Variants in SPECC1 observed in about 807,000 individuals in gnomAD.
SPECC1 encodes the protein cytospin-B.
Under a neutral mutation model 104.1 loss-of-function variants are expected in SPECC1, and 62 were observed. The ratio of observed to expected loss-of-function variants is 0.60; its 90% CI spans 0.49 to 0.74. The LOEUF (loss-of-function observed/expected upper bound fraction) is 0.74. SPECC1 is among the 30% of genes least tolerant of loss of function. SPECC1 has a pLI of 0.00. For missense variants in SPECC1, 1,306 were observed against 1,310.5 expected, an observed-to-expected ratio of 1.00 and a Z score of 0.05; for synonymous variants, 513 against 501.6, an observed-to-expected ratio of 1.02 and a Z score of -0.30.
intron 8 of SPECC1, 28 bp from the exon 9 acceptor site, chr17:20,247,191 T>C: frequency 1.3e-6 from 2 of 1,558,448 alleles, no homozygotes; most frequent in Non-Finnish European, 1.8e-6. Context: ...GAACAACATA[T>C]AAATGTTCCC....
chr17:20,299,535 G>T (rs1340552331), intron 13 of SPECC1, among the ~76,000 whole-genome samples: 1 of 143,528 alleles, frequency 7.0e-6, no homozygotes, highest in East Asian at 2.0e-4. Context: ...TCTCCAGCCT[G>T]GGTGACAGAG....
intron 1 of SPECC1, chr17:20,067,421 G>A (rs182303626): frequency 7.2e-5 from 11 of 152,280 alleles, no homozygotes; most frequent in Admixed American, 5.9e-4. Context: ...GGGATTTCAG[G>A]CGTGAACTAC....
intron 3 of SPECC1, among the ~76,000 whole-genome samples, chr17:20,167,915 ATGTC>A (rs1178747041): frequency 1.3e-5 from 2 of 152,228 alleles, no homozygotes; most frequent in South Asian, 2.1e-4. Context: ...CATTTAATCT[ATGTC>A]TGTTGCTTAG....
At chr17:20,237,317 T>TTTG in intron 7 of SPECC1, 3 of 478,592 alleles carry the variant, frequency 6.3e-6, no homozygotes, top group African/African-American at 1.0e-4. Flanking sequence ...TTTGTTTTGT[T>TTTG]TTTTTTTTTT....
At chr17:20,221,208 TC>T (rs1319420971) in intron 4 of SPECC1, among the ~76,000 whole-genome samples, 20 of 152,232 alleles carry the variant, frequency 1.3e-4, no homozygotes, top group Non-Finnish European at 1.5e-5. Context: ...TCCCTTCTCT[TC>T]TATTTCTTGG....
chr17:20,042,359 G>A (rs1470029075), intron 1 of SPECC1, among the ~76,000 whole-genome samples: 1 of 152,126 alleles, frequency 6.6e-6, no homozygotes, highest in Non-Finnish European at 1.5e-5. Flanking sequence ...CACCATGGGG[G>A]AAGAGGGAGG....
At chr17:20,097,536 A>G (rs904641768) in intron 2 of SPECC1, among the ~76,000 whole-genome samples, 23 of 152,250 alleles carry the variant, frequency 1.5e-4, no homozygotes, top group African/African-American at 5.3e-4. Context: ...TGGATTTGAG[A>G]TGCAGACTGA....
At chr17:20,248,494 T>C (rs1274484057) in intron 9 of SPECC1, among the ~76,000 whole-genome samples, 1 of 152,240 alleles carries the variant, frequency 6.6e-6, no homozygotes, top group Non-Finnish European at 1.5e-5. Flanking sequence ...AAAAACTTGA[T>C]AGACACATTG....
chr17:20,259,946 T>G (rs945324660), intron 11 of SPECC1, among the ~76,000 whole-genome samples: 1 of 152,306 alleles, frequency 6.6e-6, no homozygotes, highest in South Asian at 2.1e-4. Flanking sequence ...GAGCAACAAA[T>G]GGATTTGAAA....
chr17:20,108,156 G>A (rs1330531642), intron 2 of SPECC1, among the ~76,000 whole-genome samples: 1 of 151,552 alleles, frequency 6.6e-6, no homozygotes, highest in African/African-American at 2.4e-5. Context: ...TAATACCACT[G>A]AATTGTGCAC....
intron 3 of SPECC1, among the ~76,000 whole-genome samples, chr17:20,130,082 C>T (rs975942224): frequency 1.3e-5 from 2 of 152,140 alleles, no homozygotes; most frequent in Admixed American, 6.5e-5. Context: ...AAGATTTTCT[C>T]TTATATTTTT....
At chr17:20,164,109 A>T (rs1464692570) in intron 3 of SPECC1, among the ~76,000 whole-genome samples, 1 of 151,692 alleles carries the variant, frequency 6.6e-6, no homozygotes, top group Non-Finnish European at 1.5e-5. Context: ...TCTTTCTAGG[A>T]TTAAAAGATG....
chr17:20,230,622 A>G (rs1403684696), intron 5 of SPECC1, among the ~76,000 whole-genome samples: 2 of 152,246 alleles, frequency 1.3e-5, no homozygotes, highest in African/African-American at 4.8e-5. Flanking sequence ...ATTAATGTCC[A>G]CAGCAAAATT....
intron 3 of SPECC1, among the ~76,000 whole-genome samples, chr17:20,163,564 C>CT (rs779886420): frequency 0.063 from 9,079 of 143,222 alleles, 803 homozygotes; most frequent in African/African-American, 0.2. Context: ...CTCTCTCTCT[C>CT]TTTTTTTTTT....
intron 7 of SPECC1, among the ~76,000 whole-genome samples, chr17:20,236,274 G>A (rs1437647897): frequency 2.0e-5 from 3 of 152,072 alleles, no homozygotes; most frequent in African/African-American, 4.8e-5. Context: ...GCAGAACCTG[G>A]TCCTCTCAAT....
intron 1 of SPECC1, among the ~76,000 whole-genome samples, chr17:20,043,053 TTTTCTTTGGAGAGGCCAAGCAAG>T (rs1312376871): frequency 5.3e-5 from 8 of 152,140 alleles, no homozygotes; most frequent in African/African-American, 1.2e-4. Flanking sequence ...TGAAACTGAG[TTTTCTTTGGAGAGGCCAAGCAAG>T]TTTCTTTGGA....
intron 1 of SPECC1, among the ~76,000 whole-genome samples, chr17:20,051,066 CTTTT>C (rs368120931): frequency 5.0e-5 from 6 of 120,024 alleles, no homozygotes; most frequent in East Asian, 4.4e-4. Context: ...TTCTTTCTTT[CTTTT>C]TCTTTCTTTC....
At chr17:20,288,818 C>G (rs781761805) in intron 12 of SPECC1, among the ~76,000 whole-genome samples, 9 of 124,326 alleles carry the variant, frequency 7.2e-5, no homozygotes, top group Non-Finnish European at 1.4e-4. Context: ...GAGTCTCACT[C>G]TGTTGCCCAG....
At chr17:20,157,502 C>T (rs2032705502) in intron 3 of SPECC1, among the ~76,000 whole-genome samples, 1 of 151,808 alleles carries the variant, frequency 6.6e-6, no homozygotes, top group South Asian at 2.1e-4. Flanking sequence ...TATAAATAAC[C>T]CTGTTGGTAA....
Sources: gnomAD v4.1 joint callset for allele counts (sites outside exome capture counted in the v4.1 genomes callset) on GRCh38, gnomAD v4.1.1 for gene constraint, MANE v1.5 for transcripts, NCBI Gene and HGNC (gene_info 2026-07-23, HGNC 2026-07-21) for gene names.